Variants in GBE1 observed in about 807,000 individuals in gnomAD.
GBE1 encodes 1,4-alpha-glucan-branching enzyme.
A neutral mutation model predicts 88.8 loss-of-function variants in GBE1; 70 were observed. The observed-to-expected ratio is 0.79, with a 90% confidence interval of 0.65 to 0.96. GBE1 has a LOEUF of 0.96. GBE1 is among the 40% of genes least tolerant of loss of function. The pLI is 0.00. For missense variants in GBE1, 872 were observed against 871.0 expected (o/e 1.00, Z -0.01); for synonymous variants, 284 against 300.1 (o/e 0.95, Z 0.56).
intron 2 of GBE1, among the ~76,000 whole-genome samples, chr3:81,671,626 A>C (rs1422133824): frequency 6.6e-6 from 1 of 152,048 alleles, no homozygotes; most frequent in African/African-American, 2.4e-5. Flanking sequence ...AAAATAAAAT[A>C]AAATAGATCT....
intron 7 of GBE1, among the ~76,000 whole-genome samples, chr3:81,595,509 AT>A (rs1370050199): frequency 6.6e-6 from 1 of 151,976 alleles, no homozygotes; most frequent in Non-Finnish European, 1.5e-5. Context: ...CTATATGAGA[AT>A]TTCAGAAAGA....
chr3:81,576,596 C>T (rs1281235232), intron 12 of GBE1, among the ~76,000 whole-genome samples: 1 of 152,138 alleles, frequency 6.6e-6, no homozygotes. Context: ...GAGAATGATG[C>T]ATCCTGAGTC....
intron 2 of GBE1, among the ~76,000 whole-genome samples, chr3:81,692,268 C>G (rs922492646): frequency 6.6e-6 from 1 of 152,154 alleles, no homozygotes; most frequent in Non-Finnish European, 1.5e-5. Flanking sequence ...CTAATTTCTT[C>G]TAATTAACCT....
At chr3:81,738,370 C>A (rs1352030062) in intron 1 of GBE1, among the ~76,000 whole-genome samples, 3 of 151,500 alleles carry the variant, frequency 2.0e-5, no homozygotes, top group Non-Finnish European at 4.4e-5. Context: ...GTCCCACCAA[C>A]AGTGTAAAAG....
intron 14 of GBE1, among the ~76,000 whole-genome samples, chr3:81,523,769 G>C (rs1289737754): frequency 2.6e-5 from 4 of 151,454 alleles, no homozygotes; most frequent in African/African-American, 7.3e-5. Flanking sequence ...TCTATTCCTG[G>C]CTTATTTCAC....
At chr3:81,570,824 G>A (rs1447593304) in intron 12 of GBE1, among the ~76,000 whole-genome samples, 4 of 152,084 alleles carry the variant, frequency 2.6e-5, no homozygotes, top group Admixed American at 2.6e-4. Flanking sequence ...ATAAAAGAAG[G>A]TATGGGTTTC....
At chr3:81,680,518 AT>A (rs1705325504) in intron 2 of GBE1, among the ~76,000 whole-genome samples, 1 of 150,948 alleles carries the variant, frequency 6.6e-6, no homozygotes, top group Non-Finnish European at 1.5e-5. Context: ...AAAAAAGAAA[AT>A]TTCTCCAATT....
chr3:81,535,868 G>A (rs575436344), intron 13 of GBE1, among the ~76,000 whole-genome samples: 1 of 151,826 alleles, frequency 6.6e-6, no homozygotes, highest in Non-Finnish European at 1.5e-5. Flanking sequence ...AAAAGATAAG[G>A]TCTGAAAAGA....
At chr3:81,625,820 T>C (rs543644965) in intron 7 of GBE1, among the ~76,000 whole-genome samples, 33 of 152,160 alleles carry the variant, frequency 2.2e-4, no homozygotes, top group South Asian at 1.2e-3. Flanking sequence ...CTGATATCTA[T>C]TGGAGTACGG....
intron 14 of GBE1, among the ~76,000 whole-genome samples, chr3:81,514,696 T>C (rs1702772984): frequency 6.6e-6 from 1 of 151,666 alleles, no homozygotes; most frequent in East Asian, 1.9e-4. Context: ...CCAGTAATTA[T>C]ATCACATCTT....
intron 7 of GBE1, among the ~76,000 whole-genome samples, chr3:81,610,084 T>C (rs1704159033): frequency 6.6e-6 from 1 of 152,204 alleles, no homozygotes; most frequent in Non-Finnish European, 1.5e-5. Context: ...TTAGTATTGC[T>C]CTGAAGTATA....
chr3:81,553,888 C>T (rs1703311979), intron 12 of GBE1, among the ~76,000 whole-genome samples: 2 of 151,990 alleles, frequency 1.3e-5, no homozygotes, highest in South Asian at 2.1e-4. Flanking sequence ...GTTCATGTTG[C>T]TATTCAAACT....
At chr3:81,629,019 T>TTTTTTG (rs1704464020) in intron 7 of GBE1, among the ~76,000 whole-genome samples, 1 of 19,772 alleles carries the variant, frequency 5.1e-5, no homozygotes, top group African/African-American at 1.6e-3. Flanking sequence ...TATGTTTAAG[T>TTTTTTG]TTTTTTTTTT....
intron 3 of GBE1, among the ~76,000 whole-genome samples, chr3:81,656,168 G>T (rs1000564174): frequency 6.6e-6 from 1 of 152,132 alleles, no homozygotes; most frequent in African/African-American, 2.4e-5. Flanking sequence ...CCTACGCCAA[G>T]AATCTGTGAA....
chr3:81,610,118 T>C (rs545065380), intron 7 of GBE1, among the ~76,000 whole-genome samples: 2 of 152,322 alleles, frequency 1.3e-5, no homozygotes, highest in East Asian at 3.9e-4. Context: ...ATTATCTTAC[T>C]TTTCCAACTA....
chr3:81,668,141 G>A (rs1177533736), intron 3 of GBE1, among the ~76,000 whole-genome samples: 1 of 152,114 alleles, frequency 6.6e-6, no homozygotes, highest in Non-Finnish European at 1.5e-5. Flanking sequence ...CACACTGCAT[G>A]TTCTCACTCA....
At chr3:81,672,522 T>C (rs1705202507) in intron 2 of GBE1, among the ~76,000 whole-genome samples, 1 of 151,948 alleles carries the variant, frequency 6.6e-6, no homozygotes, top group African/African-American at 2.4e-5. Context: ...AGCATTTATA[T>C]CAAGATCAAG....
chr3:81,680,720 G>C (rs1705328718), intron 2 of GBE1, among the ~76,000 whole-genome samples: 1 of 152,038 alleles, frequency 6.6e-6, no homozygotes, highest in Non-Finnish European at 1.5e-5. Context: ...TTGGAGATAG[G>C]GACTTTCAGA....
chr3:81,545,576 C>T (rs1703195054), intron 12 of GBE1, among the ~76,000 whole-genome samples: 2 of 151,352 alleles, frequency 1.3e-5, no homozygotes, highest in South Asian at 4.2e-4. Flanking sequence ...TGCCTCCAGA[C>T]TGTAAATGGT....
Sources: allele counts gnomAD v4.1 joint callset (sites outside exome capture counted in the v4.1 genomes callset), GRCh38; gene constraint gnomAD v4.1.1; transcripts MANE v1.5; gene names NCBI Gene and HGNC (gene_info 2026-07-23, HGNC 2026-07-21).